Variants in KIF26B observed in about 807,000 individuals in gnomAD.
The protein encoded by KIF26B is kinesin family member 26B.
KIF26B carries 63 observed loss-of-function variants against 151.2 expected under a neutral mutation model. That is an observed-to-expected ratio of 0.42 (90% CI 0.34 to 0.51). KIF26B has a LOEUF of 0.51. KIF26B is among the 20% of genes least tolerant of loss of function. The pLI is 0.07. For missense variants in KIF26B, 2,813 were observed against 2,913.6 expected (o/e 0.97, Z 0.79); for synonymous variants, 1,357 against 1,262.1 (o/e 1.08, Z -1.59).
chr1:245,576,740 C>G (rs1170720122), intron 5 of KIF26B, among the ~76,000 whole-genome samples: 1 of 152,188 alleles, frequency 6.6e-6, no homozygotes, highest in Non-Finnish European at 1.5e-5. Context: ...CGAATCACCT[C>G]TGGCCTTTTT....
intron 4 of KIF26B, among the ~76,000 whole-genome samples, chr1:245,445,323 T>A (rs1659221646): frequency 6.6e-6 from 1 of 152,208 alleles, no homozygotes; most frequent in Non-Finnish European, 1.5e-5. Flanking sequence ...AATTTTAAAA[T>A]GCAGTGAATG....
intron 4 of KIF26B, among the ~76,000 whole-genome samples, chr1:245,461,415 A>G (rs964489253): frequency 2.0e-5 from 3 of 151,810 alleles, no homozygotes; most frequent in Non-Finnish European, 4.4e-5. Context: ...CCAGGTAGCT[A>G]GGATTACGAT....
chr1:245,173,680 AGTCCC>A (rs1472821864), intron 2 of KIF26B, among the ~76,000 whole-genome samples: 1 of 152,188 alleles, frequency 6.6e-6, no homozygotes, highest in Non-Finnish European at 1.5e-5. Context: ...GGCTCACTGC[AGTCCC>A]TTGGAGGGAA....
At chr1:245,680,006 G>A (rs2044411612) in intron 10 of KIF26B, among the ~76,000 whole-genome samples, 1 of 152,096 alleles carries the variant, frequency 6.6e-6, no homozygotes, top group Non-Finnish European at 1.5e-5. Context: ...GGGAGGGGGT[G>A]GCCAGCGGCC....
intron 2 of KIF26B, among the ~76,000 whole-genome samples, chr1:245,329,732 C>A (rs550436779): frequency 6.6e-6 from 1 of 152,134 alleles, no homozygotes. Context: ...TCATAGTAGA[C>A]GCTAACGAAA....
At chr1:245,418,045 C>T (rs1016566395) in intron 3 of KIF26B, among the ~76,000 whole-genome samples, 1 of 152,236 alleles carries the variant, frequency 6.6e-6, no homozygotes, top group Non-Finnish European at 1.5e-5. Flanking sequence ...GTCCGGGAGG[C>T]ATGATGCGCG....
intron 2 of KIF26B, among the ~76,000 whole-genome samples, chr1:245,293,819 C>T (rs576084522): frequency 4.6e-5 from 7 of 152,304 alleles, no homozygotes; most frequent in African/African-American, 1.7e-4. Flanking sequence ...CTCAGGTGAT[C>T]TGCCCGCCTC....
At position 245,358,185 on chromosome 1, in the gene KIF26B, G is replaced by T. The variant is rs528303982; in HGVS notation, c.466-8649G>T. Among the ~76,000 whole-genome samples, 1 of 152,314 alleles carries T rather than the reference G, an allele frequency of 6.6e-6. No individual in the cohort carries two copies. Among genetic ancestry groups the T allele is most frequent in the South Asian group, 2.1e-4 (1 of 4,828 alleles). The stretch of plus-strand genomic sequence containing the variant: ...TTCCCAAAGTGTGGGGATTACAGGC[G>T]TGAGCCACCATACCCTGCCAAAATT... On this transcript the variant is annotated intron_variant, in intron 2 of 14. Transcript: ENST00000407071. The surrounding 1 kb of genome is among the most constrained non-coding windows in gnomAD (Gnocchi z 4.1).
intron 4 of KIF26B, among the ~76,000 whole-genome samples, chr1:245,537,561 C>G (rs1340547363): frequency 6.6e-6 from 1 of 152,182 alleles, no homozygotes. Flanking sequence ...AAGTCTGTGG[C>G]TCTGACCAAG....
intron 2 of KIF26B, among the ~76,000 whole-genome samples, chr1:245,252,245 C>T (rs10924138): frequency 0.025 from 3,642 of 146,424 alleles, 128 homozygotes; most frequent in African/African-American, 0.086. Context: ...CTCTGTACTC[C>T]AGCCTGGGCA....
At chr1:245,683,890 A>C (rs1219435066) in intron 10 of KIF26B, among the ~76,000 whole-genome samples, 1 of 152,188 alleles carries the variant, frequency 6.6e-6, no homozygotes, top group Non-Finnish European at 1.5e-5. Context: ...GTCACCAGGC[A>C]CAGAGCCCTT....
At chr1:245,359,018 C>G (rs1011342764) in intron 2 of KIF26B, among the ~76,000 whole-genome samples, 1 of 151,752 alleles carries the variant, frequency 6.6e-6, no homozygotes, top group East Asian at 1.9e-4. Context: ...TCAGGTTTCT[C>G]TCTCTTTTTT....
At chr1:245,701,672 GCAGGC>G (rs1260700294) in intron 14 of KIF26B, among the ~76,000 whole-genome samples, 1 of 152,226 alleles carries the variant, frequency 6.6e-6, no homozygotes, top group Non-Finnish European at 1.5e-5. Context: ...GGCAGGCAGG[GCAGGC>G]AGCGTAGGAG....
Position 245,637,229 on chromosome 1 carries a change from C to T in KIF26B, c.2099-8892C>T, listed in dbSNP as rs183542686. 1.4e-3 allele frequency among the ~76,000 whole-genome samples: 209 copies of T among 152,024 alleles called. 2 individuals are homozygous for T. The highest frequency in any genetic ancestry group is 4.8e-3 in the African/African-American group (199 of 41,512). On this transcript the variant is annotated intron_variant, in intron 9 of 14. Transcript: ENST00000407071. The stretch of plus-strand genomic sequence containing the variant: ...TTGTAACTGAGGTGAGATGATAGCT[C>T]GTTATGGTTTTGATTTGCACTTTCC...
intron 2 of KIF26B, among the ~76,000 whole-genome samples, chr1:245,214,946 G>A (rs533447926): frequency 1.3e-5 from 2 of 152,318 alleles, no homozygotes; most frequent in East Asian, 3.9e-4. Flanking sequence ...TAAGAAGAGG[G>A]AGGCATCTTG....
Position 245,702,564 on chromosome 1 carries a change from CATG to C in KIF26B, c.6291_6293del (p.Met2097del). The C allele has an allele frequency of 6.2e-7, 1 of 1,613,988 alleles. No homozygotes were observed. Among genetic ancestry groups the C allele is most frequent in the Non-Finnish European group, 8.5e-7 (1 of 1,179,892 alleles). ...GTGTCAACTTCTGCAAGGCCCATCT[CATG>C]ATGATCACCTGCTTCGACATCACCT... On this transcript the variant is annotated inframe_deletion, in exon 15 of 15. Coordinates refer to ENST00000407071, the MANE Select transcript of KIF26B (RefSeq NM_018012.4). The surrounding 1 kb of genome is among the most constrained non-coding windows in gnomAD (Gnocchi z 4.1).
At chr1:245,464,663 T>C (rs1023687221) in intron 4 of KIF26B, among the ~76,000 whole-genome samples, 1 of 150,052 alleles carries the variant, frequency 6.7e-6, no homozygotes, top group African/African-American at 2.5e-5. Context: ...TGCGTGTGTG[T>C]GTGTGGGTGT....
intron 5 of KIF26B, among the ~76,000 whole-genome samples, chr1:245,588,991 C>A (rs186948561): frequency 1.2e-4 from 18 of 152,326 alleles, no homozygotes; most frequent in Middle Eastern, 6.8e-3. Flanking sequence ...CCTTCTGACT[C>A]CCTCTTCTCC....
chr1:245,553,206 C>A (rs1422702461), intron 5 of KIF26B, among the ~76,000 whole-genome samples: 1 of 152,238 alleles, frequency 6.6e-6, no homozygotes. Context: ...CTGGAGGAAG[C>A]TGGACCGGAT....
Sources: allele counts gnomAD v4.1 joint callset (sites outside exome capture counted in the v4.1 genomes callset), GRCh38; gene constraint gnomAD v4.1.1; non-coding constraint Gnocchi (gnomAD v3.1); transcripts MANE v1.5; gene names NCBI Gene and HGNC (gene_info 2026-07-23, HGNC 2026-07-21).